Variants in TMEM221 observed in about 807,000 individuals in gnomAD.
TMEM221 encodes transmembrane protein 221, also known as Putative transmembrane protein ENSP00000342162.
In TMEM221, 11 loss-of-function variants were observed where a neutral mutation model predicts 10.2. That is an observed-to-expected ratio of 1.08 (90% CI 0.68 to 1.79). The LOEUF (loss-of-function observed/expected upper bound fraction) is 1.79, where lower values mean the gene tolerates loss of function less well. Ranked by LOEUF, TMEM221 falls within the 40% of genes most tolerant of loss-of-function variation. The pLI is 0.00. For missense variants in TMEM221, 382 were observed against 417.7 expected, an observed-to-expected ratio of 0.91 and a Z score of 0.75; for synonymous variants, 172 against 199.8, an observed-to-expected ratio of 0.86 and a Z score of 1.18.
intron 2 of TMEM221, among the ~76,000 whole-genome samples, chr19:17,444,071 CTTTTTTTT>C (rs67270566): frequency 0.019 from 1,075 of 56,324 alleles, 5 homozygotes; most frequent in Non-Finnish European, 0.029. Flanking sequence ...AAAATGCTAT[CTTTTTTTT>C]TTTTTTTTTT....
chr19:17,439,549 G>A (rs2074923300), intron 2 of TMEM221, among the ~76,000 whole-genome samples: 1 of 152,044 alleles, frequency 6.6e-6, no homozygotes, highest in Non-Finnish European at 1.5e-5. Flanking sequence ...GTAGCCAGGT[G>A]TGGTGGCACG....
chr19:17,439,908 G>A (rs920140194), intron 2 of TMEM221, among the ~76,000 whole-genome samples: 2 of 151,996 alleles, frequency 1.3e-5, no homozygotes, highest in South Asian at 2.1e-4. Context: ...AGTGGGTAAC[G>A]GCTGGGCGAG....
In TMEM221 at chr19:17,436,925, G is replaced by T; in HGVS notation, c.409C>A (p.Leu137Met). 1 of 1,407,530 alleles carries T rather than the reference G, an allele frequency of 7.1e-7. No individual in the cohort carries two copies. The highest frequency in any genetic ancestry group is 9.2e-7 in the Non-Finnish European group (1 of 1,083,200). The allele number at this position is 1,407,530 out of a possible 1,614,324, so 87.2% of individuals were successfully genotyped here. A position where few individuals can be genotyped will look rare whatever the true frequency, so the allele number is the denominator to read the frequency against. ...AAAAGTAGCAAGGCATAGATGGACA[G>T]TGCTAGGGAAGGAAACGACTCTCAT... ...CCGISVYLAALSIYALLLFEI... is the reference protein window; with the variant it reads ...CCGISVYLAAMSIYALLLFEI... Residue 137 changes from leucine (L) to methionine (M), a missense_variant and splice_region_variant, in exon 3 of 3, where the codon CTG (leucine) becomes ATG (methionine). Coordinates refer to ENST00000341130, the MANE Select transcript of TMEM221 (RefSeq NM_001190844.2).
At chr19:17,442,988 G>T (rs2074937903) in intron 2 of TMEM221, among the ~76,000 whole-genome samples, 1 of 151,968 alleles carries the variant, frequency 6.6e-6, no homozygotes, top group African/African-American at 2.4e-5. Context: ...GCCTGGCGTG[G>T]TGGCTCAGGG....
chr19:17,443,606 G>A (rs2144503071), intron 2 of TMEM221, among the ~76,000 whole-genome samples: 1 of 151,966 alleles, frequency 6.6e-6, no homozygotes, highest in South Asian at 2.1e-4. Context: ...AAAGTGCTGG[G>A]ATTATAGGCA....
rs1459395162 is a variant in TMEM221, at chr19:17,448,605, G to T, written c.-143C>A. On this transcript the variant is annotated 5_prime_UTR_variant, in exon 1 of 3. Transcript: ENST00000341130. This position sits in a 1 kb window ranked among gnomAD's most constrained non-coding sequence, Gnocchi z 4.7. ...GGAGTGTCTGAAAGTTCGGGGACTG[G>T]GCTGGGGGTCGCCAGACGGACGGGG... The T allele has an allele frequency of 3.8e-6, 2 of 530,530 alleles. No homozygotes were observed. The highest frequency in any genetic ancestry group is 5.8e-6 in the Non-Finnish European group (2 of 346,072). 32.9% of individuals were successfully genotyped at this position (530,530 alleles called of 1,614,324 possible).
intron 2 of TMEM221, among the ~76,000 whole-genome samples, chr19:17,441,036 C>G: frequency 2.0e-5 from 3 of 152,108 alleles, no homozygotes; most frequent in Admixed American, 2.0e-4. Flanking sequence ...GATGAAACCC[C>G]GTCTCTGCTA....
At chr19:17,446,436 AC>A (rs1302036878) in intron 1 of TMEM221, among the ~76,000 whole-genome samples, 1 of 151,886 alleles carries the variant, frequency 6.6e-6, no homozygotes, top group African/African-American at 2.4e-5. Flanking sequence ...ACAAACCGCG[AC>A]CCCAAGAGGT....
intron 1 of TMEM221, among the ~76,000 whole-genome samples, chr19:17,445,729 CCCAT>C (rs34342683): frequency 2.0e-5 from 3 of 151,188 alleles, no homozygotes; most frequent in Non-Finnish European, 2.9e-5. Flanking sequence ...TATCCATCCA[CCCAT>C]CCATCCATCC....
At chr19:17,442,415 T>C (rs1291537489) in intron 2 of TMEM221, among the ~76,000 whole-genome samples, 1 of 149,870 alleles carries the variant, frequency 6.7e-6, no homozygotes. Flanking sequence ...TGAACCACCA[T>C]GCCTGGCTAA....
At chr19:17,444,795 A>AT (rs1024765095) in intron 2 of TMEM221, 2 of 93,754 alleles carry the variant, frequency 2.1e-5, no homozygotes, top group African/African-American at 8.0e-5. Context: ...ATAAATATAT[A>AT]TTATATATAT....
Position 17,439,898 on chromosome 19 carries a change from A to T in TMEM221, c.407-2971T>A, listed in dbSNP as rs561119244. Among the ~76,000 whole-genome samples the T allele has an allele frequency of 2.0e-5, 3 of 151,940 alleles. No homozygotes were observed. In the South Asian group the frequency reaches 6.2e-4, roughly 32 times the overall value. On this transcript the variant is annotated intron_variant, in intron 2 of 2. Coordinates refer to ENST00000341130, the MANE Select transcript of TMEM221 (RefSeq NM_001190844.2). Reference sequence around the variant, plus strand: ...AATCCCACTGAACTGTTCACTTTAAAGTGGGTAACGGCTGGGCGAGGTGGC... The same window carrying T: ...AATCCCACTGAACTGTTCACTTTAATGTGGGTAACGGCTGGGCGAGGTGGC...
intron 2 of TMEM221, among the ~76,000 whole-genome samples, chr19:17,440,301 A>G (rs1384932972): frequency 7.2e-6 from 1 of 139,016 alleles, no homozygotes; most frequent in Non-Finnish European, 1.5e-5. Context: ...ATCTCGGCTC[A>G]CTGCAAGCTC....
At chr19:17,447,828 A>G (rs2144507145) in intron 1 of TMEM221, among the ~76,000 whole-genome samples, 1 of 152,328 alleles carries the variant, frequency 6.6e-6, no homozygotes, top group South Asian at 2.1e-4. Flanking sequence ...AGACAGCCTG[A>G]GAGCTCAGCC....
chr19:17,444,932 A>T (rs2074947108), intron 2 of TMEM221: 1 of 234,794 alleles, frequency 4.3e-6, no homozygotes, highest in Admixed American at 5.2e-5. Context: ...GATGTGAGCT[A>T]CTATGCCTGG....
intron 2 of TMEM221, among the ~76,000 whole-genome samples, chr19:17,442,272 C>A (rs1386771046): frequency 1.3e-5 from 2 of 151,334 alleles, no homozygotes; most frequent in Non-Finnish European, 2.9e-5. Context: ...TCAACAACAT[C>A]ATTTTTGAGA....
chr19:17,444,279 C>T (rs1227740086), intron 2 of TMEM221, among the ~76,000 whole-genome samples: 1 of 151,434 alleles, frequency 6.6e-6, no homozygotes, highest in Non-Finnish European at 1.5e-5. Context: ...GATGGGGTTT[C>T]ACCATGTTGG....
chr19:17,445,270 A>G lies in TMEM221; in HGVS notation c.335T>C (p.Leu112Pro), dbSNP rs987960379. ...GPGPRRSDWF[L>P]YDCRLLRHVA... ...ATGTCTGAGGAGGCGGCAGTCGTAG[A>G]GAAACCAGTCAGACCTGGAATGAAG... The change falls in exon 2 of 3, where the codon CTC becomes CCC. Residue 112 changes from leucine to proline, a missense_variant. By Grantham distance (98) the Leu-to-Pro change is moderately conservative. Transcript: ENST00000341130. The G allele has an allele frequency of 4.6e-6, 7 of 1,535,784 alleles. No individual in the cohort carries two copies. Among genetic ancestry groups the G allele is most frequent in the Non-Finnish European group, 6.1e-6 (7 of 1,146,640 alleles).
At chr19:17,438,748 C>T (rs1031238602) in intron 2 of TMEM221, among the ~76,000 whole-genome samples, 11 of 151,752 alleles carry the variant, frequency 7.2e-5, no homozygotes, top group African/African-American at 1.9e-4. Flanking sequence ...TAGGCATGCA[C>T]CACCATGCCT....
Sources: allele counts gnomAD v4.1 joint callset (sites outside exome capture counted in the v4.1 genomes callset), GRCh38; gene constraint gnomAD v4.1.1; non-coding constraint Gnocchi (gnomAD v3.1); transcripts MANE v1.5; gene names NCBI Gene and HGNC (gene_info 2026-07-23, HGNC 2026-07-21).